The following ZNF713 variants were observed in gnomAD, a reference collection of about 807,000 sequenced individuals.
ZNF713 encodes the protein zinc finger protein 713.
In ZNF713, 21 loss-of-function variants were observed where a neutral mutation model predicts 28.7. The ratio of observed to expected loss-of-function variants is 0.73; its 90% CI spans 0.52 to 1.05. ZNF713 has a LOEUF of 1.05. Ranked by LOEUF, ZNF713 falls within the 50% of genes least tolerant of loss-of-function variation. The pLI is 0.00. For synonymous variants in ZNF713, 167 were observed against 178.0 expected, an observed-to-expected ratio of 0.94 and a Z score of 0.49; for missense variants, 458 against 532.4, an observed-to-expected ratio of 0.86 and a Z score of 1.37.
intron 4 of ZNF713, among the ~76,000 whole-genome samples, chr7:55,922,276 A>C (rs1220779589): frequency 1.3e-5 from 2 of 152,086 alleles, no homozygotes; most frequent in Non-Finnish European, 2.9e-5. Flanking sequence ...ACAGTGGCTT[A>C]ACGCCTGTAA....
intron 4 of ZNF713, among the ~76,000 whole-genome samples, chr7:55,919,497 T>TTG (rs1361905073): frequency 0.017 from 760 of 44,980 alleles, 28 homozygotes; most frequent in Middle Eastern, 0.029. Context: ...CCAGTTTTTT[T>TTG]TTTTTTTTTT....
chr7:55,909,042 CAA>C (rs1785736883), intron 2 of ZNF713, among the ~76,000 whole-genome samples: 1 of 151,370 alleles, frequency 6.6e-6, no homozygotes, highest in African/African-American at 2.4e-5. Flanking sequence ...CTAAAAAATA[CAA>C]AAAATTAGCT....
intron 6 of ZNF713, among the ~76,000 whole-genome samples, chr7:55,935,330 A>G (rs748307029): frequency 1.3e-5 from 2 of 152,288 alleles, no homozygotes; most frequent in Non-Finnish European, 2.9e-5. Flanking sequence ...AAGATTTTTT[A>G]AAAGTAGGAT....
chr7:55,929,381 C>T (rs541540909), intron 6 of ZNF713, among the ~76,000 whole-genome samples: 2 of 152,100 alleles, frequency 1.3e-5, no homozygotes, highest in South Asian at 4.2e-4. Flanking sequence ...AATATAAAGG[C>T]ATTATTTTAA....
intron 1 of ZNF713, among the ~76,000 whole-genome samples, 189 bp downstream of exon 1, chr7:55,887,869 GGCGGCGGCGGCGGCGGCGGGC>G: frequency 6.6e-5 from 1 of 15,264 alleles, no homozygotes; most frequent in South Asian, 2.4e-3. Context: ...GGCGGGCGGC[GGCGGCGGCGGCGGCGGCGGGC>G]GGCGGCGGCG....
At chr7:55,921,265 C>T (rs975541835) in intron 4 of ZNF713, among the ~76,000 whole-genome samples, 1 of 152,170 alleles carries the variant, frequency 6.6e-6, no homozygotes, top group African/African-American at 2.4e-5. Context: ...TGGAGATGTA[C>T]AAGAAGACTA....
rs752752393 is a variant in ZNF713 at position 55,939,717 on chromosome 7, G to A, written c.1043G>A (p.Gly348Asp). Reference sequence around the variant, plus strand: ...AAGCCCTATAAATGTAATCAATGTGGTAAAGCTTTTAGCCGCATCACATCC... The same window carrying A: ...AAGCCCTATAAATGTAATCAATGTGATAAAGCTTTTAGCCGCATCACATCC... ...GEKPYKCNQC[G>D]KAFSRITSLT... Residue 348 changes from glycine to aspartate, a missense_variant, in exon 7 of 7, where the codon GGT (glycine) becomes GAT (aspartate). Gly to Asp is a moderately conservative substitution (Grantham distance 94). Transcript: ENST00000429591. 4.0e-5 allele frequency: 65 copies of A among 1,613,994 alleles called. No homozygotes were observed. The highest frequency in any genetic ancestry group is 5.0e-5 in the Non-Finnish European group (59 of 1,180,012).
chr7:55,921,349 G>T (rs1240398280), intron 4 of ZNF713, among the ~76,000 whole-genome samples: 4 of 152,166 alleles, frequency 2.6e-5, no homozygotes, highest in African/African-American at 9.7e-5. Context: ...TGACTTTCAA[G>T]TCTTATTATT....
At chr7:55,897,775 A>C (rs1785500597) in intron 1 of ZNF713, among the ~76,000 whole-genome samples, 1 of 152,272 alleles carries the variant, frequency 6.6e-6, no homozygotes, top group Non-Finnish European at 1.5e-5. Flanking sequence ...ACATATTGAC[A>C]TCGTGAACAT....
intron 6 of ZNF713, among the ~76,000 whole-genome samples, chr7:55,934,723 T>C (rs548376981): frequency 6.6e-6 from 1 of 152,256 alleles, no homozygotes; most frequent in South Asian, 2.1e-4. Flanking sequence ...CAGGTTGATC[T>C]TGAACTCCTG....
At chr7:55,907,299 T>C (rs1785698033) in intron 2 of ZNF713, among the ~76,000 whole-genome samples, 2 of 152,214 alleles carry the variant, frequency 1.3e-5, no homozygotes, top group Non-Finnish European at 2.9e-5. Flanking sequence ...GTGAGATTTT[T>C]GATTTTTAAA....
chr7:55,925,360 C>T (rs781655046), intron 6 of ZNF713, among the ~76,000 whole-genome samples: 8 of 152,126 alleles, frequency 5.3e-5, no homozygotes, highest in African/African-American at 7.2e-5. Flanking sequence ...CAGTGGCTTA[C>T]GCCTGTAATC....
At chr7:55,892,184 TG>T (rs1584293439) in intron 1 of ZNF713, among the ~76,000 whole-genome samples, 1 of 143,420 alleles carries the variant, frequency 7.0e-6, no homozygotes, top group African/African-American at 2.6e-5. Flanking sequence ...AGGCTGAGGC[TG>T]GAGAATGGCG....
At chr7:55,936,752 G>A (rs930183910) in intron 6 of ZNF713, among the ~76,000 whole-genome samples, 5 of 152,146 alleles carry the variant, frequency 3.3e-5, no homozygotes, top group Admixed American at 6.5e-5. Context: ...CTGTGGGTCA[G>A]CCAGCATGGT....
intron 6 of ZNF713, among the ~76,000 whole-genome samples, chr7:55,932,054 A>T (rs955968153): frequency 6.6e-6 from 1 of 152,230 alleles, no homozygotes; most frequent in Admixed American, 6.5e-5. Context: ...TCCAGTTGAT[A>T]GTTTGGTTGA....
At chr7:55,911,271 AAAT>A (rs1428463871) in intron 2 of ZNF713, among the ~76,000 whole-genome samples, 1 of 152,236 alleles carries the variant, frequency 6.6e-6, no homozygotes, top group African/African-American at 2.4e-5. Flanking sequence ...GATTATTAGC[AAAT>A]AATAATACAA....
chr7:55,889,480 CA>C (rs1186702664), intron 1 of ZNF713, among the ~76,000 whole-genome samples: 2 of 152,192 alleles, frequency 1.3e-5, no homozygotes, highest in Non-Finnish European at 2.9e-5. Flanking sequence ...TTTTAAAAGG[CA>C]GGTTGGAACA....
intron 6 of ZNF713, among the ~76,000 whole-genome samples, chr7:55,937,040 T>G (rs1024895932): frequency 3.3e-5 from 5 of 152,148 alleles, no homozygotes; most frequent in African/African-American, 1.2e-4. Context: ...GGCTCATGCT[T>G]GTAATCCCAG....
intron 1 of ZNF713, among the ~76,000 whole-genome samples, chr7:55,888,543 C>T (rs1031665856): frequency 6.6e-6 from 1 of 152,158 alleles, no homozygotes; most frequent in South Asian, 2.1e-4. Flanking sequence ...CCACCACGTG[C>T]GGCTTTTTGT....
Sources: gnomAD v4.1 joint callset for allele counts (sites outside exome capture counted in the v4.1 genomes callset) on GRCh38, gnomAD v4.1.1 for gene constraint, MANE v1.5 for transcripts, NCBI Gene and HGNC (gene_info 2026-07-23, HGNC 2026-07-21) for gene names.